ATXN7L1: variants seen among roughly 807,000 people sequenced by gnomAD.
ATXN7L1 encodes the protein ataxin 7 like 1.
A neutral mutation model predicts 70.8 loss-of-function variants in ATXN7L1; 15 were observed. The ratio of observed to expected loss-of-function variants is 0.21; its 90% confidence interval spans 0.14 to 0.33. The LOEUF is 0.33. Ranked by LOEUF, ATXN7L1 falls within the 10% of genes least tolerant of loss-of-function variation. The pLI, the probability that ATXN7L1 is intolerant of heterozygous loss-of-function variation, is 1.00. For missense variants in ATXN7L1, 975 were observed against 1,097.1 expected, an observed-to-expected ratio of 0.89 and a Z score of 1.57; for synonymous variants, 440 against 445.1, an observed-to-expected ratio of 0.99 and a Z score of 0.14.
intron 2 of ATXN7L1, among the ~76,000 whole-genome samples, chr7:105,791,176 G>A (rs1215343287): frequency 6.6e-6 from 1 of 152,228 alleles, no homozygotes; most frequent in East Asian, 1.9e-4. Context: ...CTGGAGGCAG[G>A]TGACTCACAC....
intron 2 of ATXN7L1, among the ~76,000 whole-genome samples, chr7:105,847,001 C>T (rs951922348): frequency 2.6e-5 from 4 of 152,106 alleles, no homozygotes; most frequent in Non-Finnish European, 4.4e-5. Flanking sequence ...AGGTTTCTTT[C>T]GGGACTAACA....
intron 3 of ATXN7L1, among the ~76,000 whole-genome samples, chr7:105,777,811 T>C (rs953220876): frequency 3.3e-5 from 5 of 152,206 alleles, no homozygotes; most frequent in African/African-American, 1.2e-4. Flanking sequence ...GCACCACACG[T>C]AGAGTAAAAC....
At chr7:105,697,274 C>T (rs1791847774) in intron 3 of ATXN7L1, among the ~76,000 whole-genome samples, 1 of 152,180 alleles carries the variant, frequency 6.6e-6, no homozygotes, top group Non-Finnish European at 1.5e-5. Flanking sequence ...GAGTCTATCT[C>T]ACCGCTGCAA....
chr7:105,847,372 G>A (rs947912672), intron 2 of ATXN7L1, among the ~76,000 whole-genome samples: 3 of 151,964 alleles, frequency 2.0e-5, no homozygotes, highest in African/African-American at 4.8e-5. Context: ...GTATCTTTTG[G>A]GCTTCTTTAT....
chr7:105,739,869 G>A (rs1350720660), intron 3 of ATXN7L1, among the ~76,000 whole-genome samples: 1 of 152,232 alleles, frequency 6.6e-6, no homozygotes, highest in African/African-American at 2.4e-5. Context: ...CTTAGAGAAG[G>A]AGAATTTTGC....
chr7:105,767,399 C>A (rs1801418791), intron 3 of ATXN7L1, among the ~76,000 whole-genome samples: 2 of 152,176 alleles, frequency 1.3e-5, no homozygotes, highest in African/African-American at 4.8e-5. Context: ...ATCCTTGCTG[C>A]TTCTCTCCCG....
At chr7:105,797,981 T>C (rs985233862) in intron 2 of ATXN7L1, among the ~76,000 whole-genome samples, 8 of 152,258 alleles carry the variant, frequency 5.3e-5, no homozygotes, top group Non-Finnish European at 5.9e-5. Context: ...AAGAAGTTGA[T>C]TTATTTTCCA....
intron 3 of ATXN7L1, among the ~76,000 whole-genome samples, chr7:105,775,755 T>C (rs530783882): frequency 2.6e-5 from 4 of 152,328 alleles, no homozygotes; most frequent in African/African-American, 9.6e-5. Context: ...AGCTAGTGTC[T>C]AGGCCCACGT....
intron 3 of ATXN7L1, among the ~76,000 whole-genome samples, chr7:105,670,363 G>C (rs1047029994): frequency 1.3e-5 from 2 of 152,066 alleles, no homozygotes; most frequent in Admixed American, 1.3e-4. Context: ...CATTTGCCCT[G>C]CCCAGAAAGA....
At chr7:105,794,351 G>A (rs946693127) in intron 2 of ATXN7L1, among the ~76,000 whole-genome samples, 3 of 152,182 alleles carry the variant, frequency 2.0e-5, no homozygotes, top group Non-Finnish European at 2.9e-5. Flanking sequence ...AGCTGAAAAT[G>A]TGCAATTCTT....
chr7:105,731,776 A>AAAGAAAAGAAC (rs1796588947), intron 3 of ATXN7L1, among the ~76,000 whole-genome samples: 1 of 64,830 alleles, frequency 1.5e-5, no homozygotes. Context: ...AAGAAAAGAA[A>AAAGAAAAGAAC]AGAAAAGAAA....
intron 3 of ATXN7L1, among the ~76,000 whole-genome samples, chr7:105,778,510 C>CAAAAAAAAA (rs745820046): frequency 8.8e-5 from 3 of 34,156 alleles, no homozygotes; most frequent in African/African-American, 1.2e-4. Flanking sequence ...GACCCTATCT[C>CAAAAAAAAA]AAAAAAAAAA....
chr7:105,811,615 T>C lies in ATXN7L1; in HGVS notation c.251-22907A>G, dbSNP rs1013357248. On this transcript the variant is annotated intron_variant, in intron 2 of 11. Transcript: ENST00000419735. ...AGGCTGCTGACAGGAGTCTGGGACA[T>C]GTCTGCAAATAGAATGCATTTATAG... Among the ~76,000 whole-genome samples, 47 of 152,262 alleles carry C rather than the reference T, an allele frequency of 3.1e-4. 1 individual carries two copies. Among genetic ancestry groups the C allele is most frequent in the African/African-American group, 9.4e-4 (39 of 41,544 alleles).
intron 2 of ATXN7L1, among the ~76,000 whole-genome samples, chr7:105,789,067 G>A (rs551471348): frequency 4.6e-5 from 7 of 152,284 alleles, no homozygotes; most frequent in Admixed American, 6.5e-5. Context: ...CTCAGGATGC[G>A]GGGAACTCCC....
intron 7 of ATXN7L1, among the ~76,000 whole-genome samples, chr7:105,631,332 G>A (rs1378944177): frequency 2.0e-5 from 3 of 152,156 alleles, no homozygotes; most frequent in Non-Finnish European, 4.4e-5. Context: ...AGCTGCAAAA[G>A]TCATAGGTGA....
intron 3 of ATXN7L1, among the ~76,000 whole-genome samples, chr7:105,777,464 C>T (rs1428066118): frequency 2.6e-5 from 4 of 152,206 alleles, no homozygotes; most frequent in Non-Finnish European, 5.9e-5. Context: ...ATCTATGAAA[C>T]GCTTTCTTCT....
chr7:105,668,073 T>A (rs1802931262), intron 3 of ATXN7L1, among the ~76,000 whole-genome samples: 1 of 152,148 alleles, frequency 6.6e-6, no homozygotes, highest in Admixed American at 6.5e-5. Context: ...TTTATTTTGC[T>A]AAACTAAGGG....
chr7:105,661,610 C>T (rs1429586581), intron 4 of ATXN7L1, among the ~76,000 whole-genome samples: 1 of 152,194 alleles, frequency 6.6e-6, no homozygotes, highest in East Asian at 1.9e-4. Context: ...TAGCTCAGTA[C>T]AGGTCTGGGG....
chr7:105,827,330 A>G (rs1399661072), intron 2 of ATXN7L1, among the ~76,000 whole-genome samples: 1 of 152,212 alleles, frequency 6.6e-6, no homozygotes, highest in African/African-American at 2.4e-5. Context: ...AAAGAGAACA[A>G]ACATTTTTAC....
Sources: allele counts gnomAD v4.1 joint callset (sites outside exome capture counted in the v4.1 genomes callset), GRCh38; gene constraint gnomAD v4.1.1; transcripts MANE v1.5; gene names NCBI Gene and HGNC (gene_info 2026-07-23, HGNC 2026-07-21).